Variants in ZNF521 observed in about 807,000 individuals in gnomAD.
ZNF521 encodes the protein zinc finger protein 521.
ZNF521 carries 14 observed loss-of-function variants against 105.5 expected under a neutral mutation model. That is an observed-to-expected ratio of 0.13 (90% CI 0.09 to 0.21). ZNF521 has a LOEUF of 0.21. Ranked by LOEUF, ZNF521 falls within the 10% of genes least tolerant of loss-of-function variation. The pLI, the probability that ZNF521 is intolerant of heterozygous loss-of-function variation, is 1.00. For missense variants in ZNF521, 1,233 were observed against 1,629.7 expected, an observed-to-expected ratio of 0.76 and a Z score of 4.19; for synonymous variants, 635 against 606.0, an observed-to-expected ratio of 1.05 and a Z score of -0.70.
intron 7 of ZNF521, among the ~76,000 whole-genome samples, chr18:25,088,285 G>A (rs563897777): frequency 2.0e-5 from 3 of 149,688 alleles, no homozygotes; most frequent in Non-Finnish European, 4.4e-5. Context: ...GTGTGATCTC[G>A]GCTCACCGCA....
intron 5 of ZNF521, among the ~76,000 whole-genome samples, chr18:25,163,465 G>A (rs559860995): frequency 5.0e-4 from 76 of 152,240 alleles, no homozygotes; most frequent in African/African-American, 1.6e-3. Context: ...GGTTTGGTCC[G>A]ACACCATCCC....
chr18:25,118,754 A>C (rs2034377607), intron 5 of ZNF521, among the ~76,000 whole-genome samples: 1 of 152,112 alleles, frequency 6.6e-6, no homozygotes, highest in Admixed American at 6.5e-5. Flanking sequence ...GCAAATAGCA[A>C]AGACATGGGA....
chr18:25,318,528 G>A (rs1162746329), intron 3 of ZNF521, among the ~76,000 whole-genome samples: 1 of 152,116 alleles, frequency 6.6e-6, no homozygotes, highest in Non-Finnish European at 1.5e-5. Context: ...GCCTATCATG[G>A]TGGTATCAGC....
chr18:25,209,606 C>A (rs1384806186), intron 4 of ZNF521, among the ~76,000 whole-genome samples: 1 of 152,100 alleles, frequency 6.6e-6, no homozygotes, highest in Non-Finnish European at 1.5e-5. Context: ...CATTTGTTTC[C>A]TAGGATTAGA....
chr18:25,327,657 C>T (rs1456785097), intron 2 of ZNF521: 2 of 519,398 alleles, frequency 3.9e-6, no homozygotes, highest in South Asian at 1.4e-5. Flanking sequence ...TTATTTTGTG[C>T]TTTCTGGGCT....
intron 4 of ZNF521, among the ~76,000 whole-genome samples, chr18:25,210,830 G>A (rs1383684960): frequency 6.6e-6 from 1 of 152,124 alleles, no homozygotes; most frequent in Non-Finnish European, 1.5e-5. Context: ...TGCTCACTCT[G>A]CTCCAGGCAT....
At chr18:25,237,462 A>T (rs1474945163) in intron 3 of ZNF521, among the ~76,000 whole-genome samples, 4 of 152,084 alleles carry the variant, frequency 2.6e-5, no homozygotes, top group African/African-American at 9.7e-5. Flanking sequence ...AACACATATT[A>T]TCTGAGATGA....
At chr18:25,078,859 G>T (rs570561511) in intron 7 of ZNF521, among the ~76,000 whole-genome samples, 1 of 152,356 alleles carries the variant, frequency 6.6e-6, no homozygotes, top group African/African-American at 2.4e-5. Context: ...TGGGCTCCCA[G>T]CAGAAAGTGG....
chr18:25,324,437 A>T (rs906058883), intron 2 of ZNF521, among the ~76,000 whole-genome samples: 1 of 152,146 alleles, frequency 6.6e-6, no homozygotes, highest in Non-Finnish European at 1.5e-5. Flanking sequence ...AAGATCTCCA[A>T]CAAACTAAAA....
intron 4 of ZNF521, among the ~76,000 whole-genome samples, chr18:25,212,528 AAAAAAAAAAAATATATATATATAT>A (rs1311514759): frequency 8.1e-5 from 9 of 111,168 alleles, no homozygotes; most frequent in African/African-American, 3.9e-4. Flanking sequence ...AAAAAAAAAA[AAAAAAAAAAAATATATATATATAT>A]ATATATATAT....
intron 3 of ZNF521, among the ~76,000 whole-genome samples, chr18:25,291,691 T>G (rs902495780): frequency 6.6e-6 from 1 of 152,314 alleles, no homozygotes; most frequent in African/African-American, 2.4e-5. Flanking sequence ...TTCTACTCTC[T>G]GTAGACGTCT....
chr18:25,107,838 C>T (rs1177678440), intron 5 of ZNF521, among the ~76,000 whole-genome samples: 2 of 152,204 alleles, frequency 1.3e-5, no homozygotes. Flanking sequence ...TACTTCCTGC[C>T]CTTTCTCAAT....
intron 3 of ZNF521, among the ~76,000 whole-genome samples, chr18:25,308,553 C>A (rs9962665): frequency 0.12 from 18,159 of 151,626 alleles, 2,555 homozygotes; most frequent in African/African-American, 0.32. Context: ...TGAAGCACCT[C>A]TTCCCCTTTC....
intron 5 of ZNF521, among the ~76,000 whole-genome samples, chr18:25,135,279 CGTGT>C (rs35980671): frequency 1.1e-3 from 161 of 146,192 alleles, no homozygotes; most frequent in East Asian, 9.6e-3. Context: ...TATATGTATA[CGTGT>C]GTGTGTGTGT....
At chr18:25,254,606 G>A (rs966715211) in intron 3 of ZNF521, among the ~76,000 whole-genome samples, 23 of 152,070 alleles carry the variant, frequency 1.5e-4, no homozygotes, top group African/African-American at 4.8e-4. Flanking sequence ...CAACCTGAAT[G>A]AATATGGAGT....
intron 3 of ZNF521, among the ~76,000 whole-genome samples, chr18:25,249,842 G>T (rs1478040239): frequency 1.3e-5 from 2 of 152,186 alleles, no homozygotes; most frequent in African/African-American, 4.8e-5. Context: ...TATTACACTT[G>T]CAGGGGACAG....
intron 4 of ZNF521, among the ~76,000 whole-genome samples, chr18:25,213,814 C>T (rs1298393233): frequency 6.6e-6 from 1 of 152,100 alleles, no homozygotes; most frequent in East Asian, 1.9e-4. Flanking sequence ...TATTGAATCA[C>T]TATACTTCTC....
At chr18:25,159,505 A>T (rs1398045910) in intron 5 of ZNF521, among the ~76,000 whole-genome samples, 2 of 123,784 alleles carry the variant, frequency 1.6e-5, no homozygotes, top group African/African-American at 3.0e-5. Flanking sequence ...AGAAACGACT[A>T]ACACTAACAA....
At chr18:25,244,742 C>T (rs1264414700) in intron 3 of ZNF521, among the ~76,000 whole-genome samples, 4 of 152,248 alleles carry the variant, frequency 2.6e-5, no homozygotes, top group Non-Finnish European at 5.9e-5. Flanking sequence ...ACTCTCCTCA[C>T]AGATGACTTT....
Sources: allele counts gnomAD v4.1 joint callset (sites outside exome capture counted in the v4.1 genomes callset), GRCh38; gene constraint gnomAD v4.1.1; transcripts MANE v1.5; gene names NCBI Gene and HGNC (gene_info 2026-07-23, HGNC 2026-07-21).